CACNA2D1: variants seen among roughly 807,000 people sequenced by gnomAD.
The protein encoded by CACNA2D1 is voltage-dependent calcium channel subunit alpha-2/delta-1.
A neutral mutation model predicts 171.5 loss-of-function variants in CACNA2D1; 53 were observed. That is an observed-to-expected ratio of 0.31 (90% CI 0.25 to 0.39). CACNA2D1 has a LOEUF of 0.39. CACNA2D1 is among the 10% of genes least tolerant of loss of function. The pLI, the probability that CACNA2D1 is intolerant of heterozygous loss-of-function variation, is 1.00. For missense variants in CACNA2D1, 903 were observed against 1,299.8 expected, an observed-to-expected ratio of 0.69 and a Z score of 4.69; for synonymous variants, 442 against 443.1, an observed-to-expected ratio of 1.00 and a Z score of 0.03.
chr7:82,230,795 G>C (rs1030392513), intron 3 of CACNA2D1, among the ~76,000 whole-genome samples: 1 of 152,058 alleles, frequency 6.6e-6, no homozygotes, highest in African/African-American at 2.4e-5. Flanking sequence ...ACATATCTCT[G>C]AGAATACCAG....
intron 1 of CACNA2D1, among the ~76,000 whole-genome samples, chr7:82,423,226 T>A (rs1828879656): frequency 6.6e-6 from 1 of 152,082 alleles, no homozygotes; most frequent in South Asian, 2.1e-4. Flanking sequence ...TACATATATA[T>A]ACACTTTCTT....
At chr7:81,952,441 G>T (rs1379737207) in intron 38 of CACNA2D1, among the ~76,000 whole-genome samples, 2 of 151,962 alleles carry the variant, frequency 1.3e-5, no homozygotes, top group Admixed American at 6.6e-5. Context: ...TGGGAGAAAA[G>T]AATCTATGAA....
At chr7:82,068,589 A>C (rs1047842860) in intron 7 of CACNA2D1, among the ~76,000 whole-genome samples, 8 of 151,698 alleles carry the variant, frequency 5.3e-5, no homozygotes, top group African/African-American at 1.9e-4. Flanking sequence ...TTTTTATTGA[A>C]AAATAAATTT....
chr7:82,439,588 T>C (rs1014624288), intron 1 of CACNA2D1, among the ~76,000 whole-genome samples: 1 of 151,698 alleles, frequency 6.6e-6, no homozygotes, highest in Non-Finnish European at 1.5e-5. Flanking sequence ...GATTCTTGTA[T>C]TTTCTTACAT....
intron 4 of CACNA2D1, among the ~76,000 whole-genome samples, chr7:82,150,422 TAAAAA>T (rs3839798): frequency 7.1e-6 from 1 of 140,720 alleles, no homozygotes; most frequent in African/African-American, 2.6e-5. Flanking sequence ...AGCTTTCCCT[TAAAAA>T]AAAAAAAAAA....
intron 5 of CACNA2D1, among the ~76,000 whole-genome samples, chr7:82,117,718 C>G (rs1789244376): frequency 6.6e-6 from 1 of 152,072 alleles, no homozygotes; most frequent in African/African-American, 2.4e-5. Flanking sequence ...GAGGTTAAGG[C>G]TGCAGTGAGC....
intron 2 of CACNA2D1, among the ~76,000 whole-genome samples, chr7:82,342,400 T>A (rs1033117268): frequency 6.6e-6 from 1 of 152,294 alleles, no homozygotes; most frequent in East Asian, 1.9e-4. Flanking sequence ...CATGAATTAG[T>A]GAATGGATAC....
At chr7:82,191,582 T>G (rs1000929001) in intron 3 of CACNA2D1, among the ~76,000 whole-genome samples, 1 of 151,826 alleles carries the variant, frequency 6.6e-6, no homozygotes, top group Non-Finnish European at 1.5e-5. Flanking sequence ...TTCTACTCAT[T>G]CCTAACTTCT....
At chr7:82,321,712 A>C (rs543177477) in intron 3 of CACNA2D1, among the ~76,000 whole-genome samples, 1 of 152,316 alleles carries the variant, frequency 6.6e-6, no homozygotes, top group African/African-American at 2.4e-5. Context: ...ATGCACATAC[A>C]TACAAAATGA....
chr7:82,439,117 A>G (rs1830309192), intron 1 of CACNA2D1, among the ~76,000 whole-genome samples: 1 of 152,118 alleles, frequency 6.6e-6, no homozygotes, highest in Admixed American at 6.6e-5. Flanking sequence ...TATATTGAGA[A>G]ATAGGGAAAT....
At position 82,034,248 on chromosome 7, in the gene CACNA2D1, T is replaced by G. The variant is rs563320115; in HGVS notation, c.1039-1347A>C. On this transcript the variant is annotated intron_variant, in intron 11 of 38. Transcript: ENST00000356860. ...TTGTACAGCATGGCACAGCCCTGGC[T>G]TTTAAATGACTAATATTTTTTAAAA... is the stretch of plus-strand genomic sequence containing the variant. 4.8e-4 allele frequency among the ~76,000 whole-genome samples: 73 copies of G among 152,238 alleles called. 1 individual carries two copies. Among genetic ancestry groups the G allele is most frequent in the South Asian group, 3.9e-3 (19 of 4,830 alleles).
At position 82,170,601 on chromosome 7, in the gene CACNA2D1, T is replaced by C. The variant is rs1164263906; in HGVS notation, c.303A>G (p.Ala101=). 6.2e-7 allele frequency: 1 copy of C among 1,612,518 alleles called. No homozygotes were observed. Among genetic ancestry groups the C allele is most frequent in the Non-Finnish European group, 8.5e-7 (1 of 1,178,992 alleles). Residue 101 remains alanine, a synonymous_variant, in exon 4 of 39, where the codon GCA becomes GCG. Transcript: ENST00000356860. ...SNRSKALVRL[A]LEAEKVQAAH... Reference sequence around the variant, plus strand: ...CTGCTTGAACTTTCTCCGCTTCCAATGCCAGGCGCTGAAAAACAAACAATA... The same window carrying C: ...CTGCTTGAACTTTCTCCGCTTCCAACGCCAGGCGCTGAAAAACAAACAATA...
chr7:82,296,130 G>C (rs1812257587), intron 3 of CACNA2D1, among the ~76,000 whole-genome samples: 1 of 151,522 alleles, frequency 6.6e-6, no homozygotes, highest in Admixed American at 6.6e-5. Context: ...AAGGGGGGAG[G>C]GATAGCATTA....
At chr7:82,047,140 T>C (rs1804649639) in intron 10 of CACNA2D1, among the ~76,000 whole-genome samples, 1 of 152,120 alleles carries the variant, frequency 6.6e-6, no homozygotes, top group South Asian at 2.1e-4. Flanking sequence ...CACAGCACTT[T>C]TCCAACTGGA....
intron 1 of CACNA2D1, among the ~76,000 whole-genome samples, chr7:82,431,292 T>C (rs1176706195): frequency 6.6e-6 from 1 of 152,198 alleles, no homozygotes; most frequent in Non-Finnish European, 1.5e-5. Context: ...TAGTCATCAA[T>C]TCGTGATCTC....
chr7:82,000,063 ATGC>A lies in CACNA2D1; in HGVS notation c.1591-2816_1591-2814del, dbSNP rs554238244. On this transcript the variant is annotated intron_variant, in intron 18 of 38. Transcript: ENST00000356860. ...ATCACGAGGTCAGGAGATCAAGACC[ATGC>A]TGGCCAACATAATGAAACCCCGTCT... Among the ~76,000 whole-genome samples the A allele has an allele frequency of 1.3e-4, 20 of 152,166 alleles. 1 individual carries two copies. In the East Asian group the frequency reaches 3.9e-3, roughly 30 times the overall value.
At chr7:82,239,062 A>G (rs1763781064) in intron 3 of CACNA2D1, among the ~76,000 whole-genome samples, 1 of 152,156 alleles carries the variant, frequency 6.6e-6, no homozygotes, top group Non-Finnish European at 1.5e-5. Flanking sequence ...ATAGCAACCA[A>G]TAGAAACTAG....
chr7:81,971,904 A>C (rs778445832), intron 25 of CACNA2D1, 40 bp from the exon 26 acceptor site: 1 of 1,198,464 alleles, frequency 8.3e-7, no homozygotes. Context: ...TCACATTTCT[A>C]AAATTATGAT....
intron 1 of CACNA2D1, among the ~76,000 whole-genome samples, chr7:82,398,737 T>C (rs537925297): frequency 6.6e-6 from 1 of 151,826 alleles, no homozygotes; most frequent in African/African-American, 2.4e-5. Flanking sequence ...ACCACCATGC[T>C]GGCTATTTTT....
Sources: allele counts gnomAD v4.1 joint callset (sites outside exome capture counted in the v4.1 genomes callset), GRCh38; gene constraint gnomAD v4.1.1; transcripts MANE v1.5; gene names NCBI Gene and HGNC (gene_info 2026-07-23, HGNC 2026-07-21).